The following HORMAD1 variants were observed in gnomAD, a reference collection of about 807,000 sequenced individuals.
The protein encoded by HORMAD1 is HORMA domain containing 1.
A neutral mutation model predicts 58.2 loss-of-function variants in HORMAD1; 33 were observed. The ratio of observed to expected loss-of-function variants is 0.57; its 90% CI spans 0.43 to 0.76. HORMAD1 has a LOEUF of 0.76. Ranked by LOEUF, HORMAD1 falls within the 30% of genes least tolerant of loss-of-function variation. The probability of loss-of-function intolerance (pLI) is 0.00; values close to 1 mark genes in which losing one functional copy is unlikely to be tolerated. For synonymous variants in HORMAD1, 137 were observed against 144.6 expected (o/e 0.95, Z 0.38); for missense variants, 363 against 462.0 (o/e 0.79, Z 1.96).
At position 150,717,276 on chromosome 1, in the gene HORMAD1, G is replaced by A; in HGVS notation, c.40C>T (p.Leu14=). Residue 14 remains leucine, a synonymous_variant, in exon 3 of 15, where the codon CTG becomes TTG. Transcript: ENST00000361824. ...GTTGATATCTTATTGGGAAATACCA[G>A]TGCACTCTAAAATTCAAGGGAAAGT... ...AQLQRTPMSA[L]VFPNKISTEH... The A allele has an allele frequency of 6.5e-7, 1 of 1,538,794 alleles. No individual in the cohort carries two copies.
intron 9 of HORMAD1, among the ~76,000 whole-genome samples, chr1:150,707,728 G>C (rs587679083): frequency 6.6e-6 from 1 of 152,142 alleles, no homozygotes; most frequent in Non-Finnish European, 1.5e-5. Flanking sequence ...TTGAGATCAG[G>C]AGTTCAAGAC....
At chr1:150,713,549 T>A (rs981301339) in intron 5 of HORMAD1, among the ~76,000 whole-genome samples, 2 of 151,762 alleles carry the variant, frequency 1.3e-5, no homozygotes, top group Admixed American at 6.6e-5. Flanking sequence ...AAAAAAAAAA[T>A]TTCATCTTCT....
At chr1:150,702,484 G>A (rs1048590919) in intron 13 of HORMAD1, among the ~76,000 whole-genome samples, 1 of 152,120 alleles carries the variant, frequency 6.6e-6, no homozygotes, top group Non-Finnish European at 1.5e-5. Context: ...TATGTTCACT[G>A]CACCACTATT....
chr1:150,698,733 A>T lies in HORMAD1; in HGVS notation c.1106T>A (p.Val369Asp), dbSNP rs200370965. 3.2e-6 allele frequency: 5 copies of T among 1,575,868 alleles called. No individual in the cohort carries two copies. Among genetic ancestry groups the T allele is most frequent in the Non-Finnish European group, 4.3e-6 (5 of 1,151,318 alleles). The change falls in exon 15 of 15, where the codon GTC becomes GAC. Residue 369 changes from valine (V) to aspartate (D), a missense_variant and splice_region_variant. Physicochemically the swap from Val to Asp is radical, Grantham distance 152 (BLOSUM62 -3). This residue lies in a region of HORMAD1 where 226 missense variants were observed against 257.8 expected (regional missense o/e 0.88). Coordinates refer to ENST00000361824, the MANE Select transcript of HORMAD1 (RefSeq NM_032132.5). ...KRSQHESGRI[V>D]LHHFDSSSQE... ...ACTAGAAGAATCAAAGTGATGGAGGACCTGTCAAAAGAAAACAACTACTAA... is the reference window on the plus strand; with the variant it reads ...ACTAGAAGAATCAAAGTGATGGAGGTCCTGTCAAAAGAAAACAACTACTAA...
At chr1:150,705,020 G>A (rs975477746) in intron 10 of HORMAD1, among the ~76,000 whole-genome samples, 3 of 151,856 alleles carry the variant, frequency 2.0e-5, no homozygotes, top group Non-Finnish European at 2.9e-5. Flanking sequence ...TTCAGCCTCG[G>A]CAAAAGAGCA....
intron 12 of HORMAD1, 29 bp from the exon 13 acceptor site, chr1:150,703,422 TAA>T: frequency 8.2e-7 from 1 of 1,215,926 alleles, no homozygotes; most frequent in Non-Finnish European, 1.2e-6. Flanking sequence ...ACAAAAAATA[TAA>T]CTTAGTATAA....
At chr1:150,701,308 A>C (rs1339574730) in intron 13 of HORMAD1, among the ~76,000 whole-genome samples, 1 of 152,218 alleles carries the variant, frequency 6.6e-6, no homozygotes, top group Non-Finnish European at 1.5e-5. Flanking sequence ...TTCTAGAAGT[A>C]GTAAATCTTG....
intron 2 of HORMAD1, among the ~76,000 whole-genome samples, chr1:150,719,013 TTGGGAGG>T (rs1652173500): frequency 0.02 from 2 of 102 alleles, 1 homozygote; most frequent in Non-Finnish European, 1. Context: ...TCCCAGCACT[TTGGGAGG>T]CCGAGGCGGG....
intron 2 of HORMAD1, among the ~76,000 whole-genome samples, chr1:150,717,601 T>A (rs978324419): frequency 1.3e-5 from 2 of 152,014 alleles, no homozygotes; most frequent in Admixed American, 6.6e-5. Flanking sequence ...GCCTACAACC[T>A]CCATTGGATG....
intron 2 of HORMAD1, 170 bp from the exon 3 acceptor site, chr1:150,717,452 T>C (rs1652116092): frequency 2.4e-6 from 1 of 410,656 alleles, no homozygotes; most frequent in Non-Finnish European, 4.4e-6. Context: ...AATGTGAGGG[T>C]ATTTCTAGGG....
intron 7 of HORMAD1, among the ~76,000 whole-genome samples, chr1:150,709,807 G>A (rs1468217865): frequency 6.6e-6 from 1 of 152,194 alleles, no homozygotes; most frequent in African/African-American, 2.4e-5. Flanking sequence ...GGTGGGAGGC[G>A]AGACATGTTT....
At chr1:150,706,959 T>C (rs1339448724) in intron 9 of HORMAD1, 150 bp from the exon 10 acceptor site, 1 of 583,122 alleles carries the variant, frequency 1.7e-6, no homozygotes, top group Non-Finnish European at 2.7e-6. Context: ...TATGTCCAAG[T>C]CCCCATTTTA....
rs142662066 is a variant in HORMAD1, at chr1:150,706,043, C to T, written c.804+510G>A. On this transcript the variant is annotated intron_variant, in intron 10 of 14. Coordinates refer to ENST00000361824, the MANE Select transcript of HORMAD1 (RefSeq NM_032132.5). Reference sequence around the variant, plus strand: ...TACTTAGGACGCACTAACTAGAAATCCAAGTGCTAGGCACAGGATGATTAA... The same window carrying T: ...TACTTAGGACGCACTAACTAGAAATTCAAGTGCTAGGCACAGGATGATTAA... 3.9e-5 allele frequency among the ~76,000 whole-genome samples: 6 copies of T among 152,290 alleles called. No individual in the cohort carries two copies. In the East Asian group the frequency reaches 9.6e-4, roughly 24 times the overall value.
rs955146787 is a variant in HORMAD1, at chr1:150,698,359, A to G, written c.*295T>C. ...AGAAAAATGGCATTAGAGGGCCTTAACAGTTAGTATATATTTAAAGGAAAT... is the reference window on the plus strand; with the variant it reads ...AGAAAAATGGCATTAGAGGGCCTTAGCAGTTAGTATATATTTAAAGGAAAT... On this transcript the variant is annotated 3_prime_UTR_variant, in exon 15 of 15. Coordinates refer to ENST00000361824, the MANE Select transcript of HORMAD1 (RefSeq NM_032132.5). 1 of 184,978 alleles carries G rather than the reference A, an allele frequency of 5.4e-6. No individual in the cohort carries two copies. Among genetic ancestry groups the G allele is most frequent in the African/African-American group, 2.3e-5 (1 of 42,786 alleles). The allele number at this position is 184,978 out of a possible 1,614,324, so 11.5% of individuals were successfully genotyped here. A position where few individuals can be genotyped will look rare whatever the true frequency, so the allele number is the denominator to read the frequency against.
chr1:150,711,885 TG>T, intron 5 of HORMAD1, 32 bp from the exon 6 acceptor site: 2 of 1,441,900 alleles, frequency 1.4e-6, no homozygotes, highest in Non-Finnish European at 9.7e-7. Flanking sequence ...AAATCTTACT[TG>T]TAGTCTATAA....
chr1:150,716,824 G>T (rs991992842), intron 3 of HORMAD1, among the ~76,000 whole-genome samples: 1 of 151,630 alleles, frequency 6.6e-6, no homozygotes, highest in Non-Finnish European at 1.5e-5. Flanking sequence ...TTAGCCGGGC[G>T]TGGTGGCGGG....
intron 1 of HORMAD1, among the ~76,000 whole-genome samples, chr1:150,720,592 A>C (rs981673434): frequency 2.0e-5 from 3 of 152,160 alleles, no homozygotes; most frequent in Non-Finnish European, 2.9e-5. Context: ...TAAACGTTTA[A>C]ATTTATCCTG....
At chr1:150,703,639 C>T (rs1438662036) in intron 12 of HORMAD1, among the ~76,000 whole-genome samples, 2 of 152,148 alleles carry the variant, frequency 1.3e-5, no homozygotes, top group Non-Finnish European at 2.9e-5. Flanking sequence ...ACCACCCTTC[C>T]AGAAGACAAG....
chr1:150,708,513 G>T, intron 8 of HORMAD1, 106 bp from the exon 9 acceptor site: 1 of 641,528 alleles, frequency 1.6e-6, no homozygotes. Context: ...ATAGCATTAA[G>T]CTGTTAACTT....
Sources: gnomAD v4.1 joint callset for allele counts (sites outside exome capture counted in the v4.1 genomes callset) on GRCh38, gnomAD v4.1.1 for gene constraint, gnomAD v4.1.1 regional missense constraint, MANE v1.5 for transcripts, NCBI Gene and HGNC (gene_info 2026-07-23, HGNC 2026-07-21) for gene names.